The following ADGRV1 variants were observed in gnomAD, a reference collection of about 807,000 sequenced individuals.
The protein encoded by ADGRV1 is G-protein coupled receptor 98.
Under a neutral mutation model 596.2 loss-of-function variants are expected in ADGRV1, and 359 were observed. The ratio of observed to expected loss-of-function variants is 0.60; its 90% CI spans 0.55 to 0.66. The LOEUF (loss-of-function observed/expected upper bound fraction) is 0.66. ADGRV1 is among the 30% of genes least tolerant of loss of function. ADGRV1 has a pLI of 0.00. For missense variants in ADGRV1, 7,274 were observed against 7,575.6 expected, an observed-to-expected ratio of 0.96 and a Z score of 1.48; for synonymous variants, 2,681 against 2,679.2, an observed-to-expected ratio of 1.00 and a Z score of -0.02.
intron 77 of ADGRV1, among the ~76,000 whole-genome samples, chr5:90,831,456 T>G (rs1764522993): frequency 6.6e-6 from 1 of 152,128 alleles, no homozygotes; most frequent in South Asian, 2.1e-4. Context: ...GATGTATATA[T>G]TAATGGGATA....
chr5:90,863,859 T>G lies in ADGRV1; in HGVS notation c.17856+2T>G, dbSNP rs566664380. 6.3e-7 allele frequency: 1 copy of G among 1,589,224 alleles called. No homozygotes were observed. Among genetic ancestry groups the G allele is most frequent in the South Asian group, 1.1e-5 (1 of 90,404 alleles). Reference sequence around the variant, plus strand: ...ATGGCAGCCAGCTTAGGTACACAGGTAGGAGAGCGCTGGCATTTTTGATTT... The same window carrying G: ...ATGGCAGCCAGCTTAGGTACACAGGGAGGAGAGCGCTGGCATTTTTGATTT... On this transcript the variant is annotated splice_donor_variant, in intron 83 of 89. Transcript: ENST00000405460. LOFTEE classifies it high-confidence loss of function.
chr5:90,731,648 C>T (rs1172264930), intron 50 of ADGRV1, among the ~76,000 whole-genome samples: 1 of 152,120 alleles, frequency 6.6e-6, no homozygotes, highest in Non-Finnish European at 1.5e-5. Context: ...GAGGATTTGA[C>T]CAGAATGTTG....
intron 1 of ADGRV1, among the ~76,000 whole-genome samples, chr5:90,584,308 C>T (rs1758461842): frequency 6.6e-6 from 1 of 152,100 alleles, no homozygotes; most frequent in Non-Finnish European, 1.5e-5. Context: ...TCTAGAATCC[C>T]GAAGAATGTT....
rs752560455 is a variant in ADGRV1, at chr5:90,628,633, G to C, written c.1310G>C (p.Arg437Pro). 5 of 1,613,878 alleles carry C rather than the reference G, an allele frequency of 3.1e-6. No individual in the cohort carries two copies. Among genetic ancestry groups the C allele is most frequent in the Non-Finnish European group, 3.4e-6 (4 of 1,179,782 alleles). The stretch of plus-strand genomic sequence containing the variant: ...GTCTCTGCGAATTGGGTGTTGACAC[G>C]GAACAGCACTGATCCCTCACCAGTA... ...GNVSANWVLT[R>P]NSTDPSPVTA... Residue 437 changes from arginine (R) to proline (P), a missense_variant, in exon 8 of 90, where the codon CGG becomes CCG. Arg to Pro is a moderately radical substitution (Grantham distance 103). Coordinates refer to ENST00000405460, the MANE Select transcript of ADGRV1 (RefSeq NM_032119.4).
At chr5:90,999,145 A>G (rs534665373) in intron 85 of ADGRV1, among the ~76,000 whole-genome samples, 1 of 151,878 alleles carries the variant, frequency 6.6e-6, no homozygotes, top group Non-Finnish European at 1.5e-5. Flanking sequence ...GGTGGGCTAT[A>G]TTATAGCTAT....
Position 90,866,074 on chromosome 5 carries a change from T to G in ADGRV1, c.17856+2217T>G, listed in dbSNP as rs868833829. 4.3e-4 allele frequency among the ~76,000 whole-genome samples: 66 copies of G among 152,282 alleles called. 1 individual carries two copies. The highest frequency in any genetic ancestry group is 3.4e-3 in the Middle Eastern group (1 of 294). The stretch of plus-strand genomic sequence containing the variant: ...TAGAGTGTTTGAGTTGTGAATACTT[T>G]GCAGACAAGTCTGCCAAGACCATTC... On this transcript the variant is annotated intron_variant, in intron 83 of 89. Coordinates refer to ENST00000405460, the MANE Select transcript of ADGRV1 (RefSeq NM_032119.4).
chr5:90,642,768 T>C lies in ADGRV1; in HGVS notation c.2367+6T>C, dbSNP rs1374597851. On this transcript the variant is annotated splice_donor_region_variant and intron_variant, in intron 12 of 89. Coordinates refer to ENST00000405460, the MANE Select transcript of ADGRV1 (RefSeq NM_032119.4). ...GAGGACCCTATGTTATAAAAGTAAG[T>C]ACGAAAAAAACTTCCATTTATTCTG... The C allele has an allele frequency of 6.2e-7, 1 of 1,608,998 alleles. No individual in the cohort carries two copies. Among genetic ancestry groups the C allele is most frequent in the Non-Finnish European group, 8.5e-7 (1 of 1,178,470 alleles).
chr5:90,691,004 T>C lies in ADGRV1; in HGVS notation c.6914T>C (p.Leu2305Ser). 10 of 1,613,726 alleles carry C rather than the reference T, an allele frequency of 6.2e-6. No homozygotes were observed. The highest frequency in any genetic ancestry group is 8.5e-6 in the Non-Finnish European group (10 of 1,179,708). ...APGETIQTLL[L>S]EVLADDVPEI... ...GGGGAAACCATTCAAACCTTGTTGTTAGAGGTCCTGGCTGACGACGTTCCG... is the reference window on the plus strand; with the variant it reads ...GGGGAAACCATTCAAACCTTGTTGTCAGAGGTCCTGGCTGACGACGTTCCG... Residue 2305 changes from leucine (L) to serine (S), a missense_variant, in exon 31 of 90, where the codon TTA (leucine) becomes TCA (serine). By Grantham distance (145) the Leu-to-Ser change is moderately radical. Coordinates refer to ENST00000405460, the MANE Select transcript of ADGRV1 (RefSeq NM_032119.4).
At chr5:90,712,560 C>A in intron 42 of ADGRV1, 132 bp downstream of exon 42, 1 of 693,960 alleles carries the variant, frequency 1.4e-6, no homozygotes, top group Non-Finnish European at 2.4e-6. Flanking sequence ...TAAGTTAGAG[C>A]ATTTCAGAAT....
chr5:90,602,308 G>A (rs1471788743), intron 1 of ADGRV1, among the ~76,000 whole-genome samples: 1 of 152,148 alleles, frequency 6.6e-6, no homozygotes, highest in African/African-American at 2.4e-5. Flanking sequence ...AAGGGGAGAG[G>A]GGTGCTATAC....
intron 83 of ADGRV1, among the ~76,000 whole-genome samples, chr5:90,959,270 G>A (rs1021999502): frequency 1.3e-5 from 2 of 151,844 alleles, no homozygotes; most frequent in African/African-American, 2.4e-5. Flanking sequence ...AAAGAATTAG[G>A]GGTAAATCTT....
intron 8 of ADGRV1, 176 bp downstream of exon 8, chr5:90,629,008 T>C (rs1347112943): frequency 4.3e-6 from 3 of 704,540 alleles, no homozygotes; most frequent in African/African-American, 1.8e-5. Flanking sequence ...TTTTACCCTC[T>C]AAAAAATTCC....
At chr5:90,890,627 T>C (rs897253079) in intron 83 of ADGRV1, among the ~76,000 whole-genome samples, 1 of 152,156 alleles carries the variant, frequency 6.6e-6, no homozygotes, top group Admixed American at 6.6e-5. Flanking sequence ...GTGTTCCATT[T>C]ATTAACATGA....
intron 83 of ADGRV1, among the ~76,000 whole-genome samples, chr5:90,897,869 T>A (rs545173398): frequency 2.0e-5 from 3 of 152,294 alleles, no homozygotes; most frequent in Admixed American, 2.0e-4. Context: ...GCAGATTTGG[T>A]GAACTTGCCA....
chr5:90,930,880 C>T (rs1009196658), intron 83 of ADGRV1, among the ~76,000 whole-genome samples: 1 of 152,098 alleles, frequency 6.6e-6, no homozygotes, highest in Non-Finnish European at 1.5e-5. Context: ...AGAGGGTCCC[C>T]TCTGGGCCAT....
chr5:91,010,371 A>G (rs1782626430), intron 85 of ADGRV1, among the ~76,000 whole-genome samples: 2 of 152,122 alleles, frequency 1.3e-5, no homozygotes, highest in South Asian at 4.1e-4. Context: ...GCTATGTTAA[A>G]ACACCAGGCT....
chr5:91,053,193 T>C (rs899795650), intron 85 of ADGRV1, among the ~76,000 whole-genome samples: 4 of 152,196 alleles, frequency 2.6e-5, no homozygotes, highest in Non-Finnish European at 5.9e-5. Context: ...AATCCTTATA[T>C]TACAGCTCTC....
rs774598013 is a variant in ADGRV1 at position 90,643,003 on chromosome 5, G to A, written c.2515G>A (p.Val839Met). 3 of 1,613,404 alleles carry A rather than the reference G, an allele frequency of 1.9e-6. No individual in the cohort carries two copies. The highest frequency in any genetic ancestry group is 3.3e-5 in the Admixed American group (2 of 59,984). Residue 839 changes from valine (V) to methionine (M), a missense_variant, in exon 13 of 90, where the codon GTG becomes ATG. Coordinates refer to ENST00000405460, the MANE Select transcript of ADGRV1 (RefSeq NM_032119.4). Reference protein sequence around the residue: ...LEFKPGEREIVITLLARLDGI... With the variant: ...LEFKPGEREIMITLLARLDGI... ...ATTTAAACCTGGAGAAAGGGAGATA[G>A]TGATCACCTTGCTAGCAAGATTGGA... is the stretch of plus-strand genomic sequence containing the variant.
In ADGRV1 at chr5:91,113,064, G is replaced by A. The variant is rs576800145; in HGVS notation, c.18432+10724G>A. Reference sequence around the variant, plus strand: ...GCATAGGCTCTCCCCATGAATGTTCGCATTCACCCACAGGTATTTCCTTCG... The same window carrying A: ...GCATAGGCTCTCCCCATGAATGTTCACATTCACCCACAGGTATTTCCTTCG... On this transcript the variant is annotated intron_variant, in intron 87 of 89. Coordinates refer to ENST00000405460, the MANE Select transcript of ADGRV1 (RefSeq NM_032119.4). Among the ~76,000 whole-genome samples the A allele has an allele frequency of 7.2e-5, 11 of 152,066 alleles. No homozygotes were observed. The East Asian group carries it at 7.7e-4, about 11-fold the overall frequency.
Sources: gnomAD v4.1 joint callset for allele counts (sites outside exome capture counted in the v4.1 genomes callset) on GRCh38, gnomAD v4.1.1 for gene constraint, MANE v1.5 for transcripts, NCBI Gene and HGNC (gene_info 2026-07-23, HGNC 2026-07-21) for gene names.